Variants in HDAC4 observed in about 807,000 individuals in gnomAD.
HDAC4 encodes histone deacetylase A.
Under a neutral mutation model 135.1 loss-of-function variants are expected in HDAC4, and 16 were observed. The observed-to-expected ratio is 0.12, with a 90% confidence interval of 0.08 to 0.18. The LOEUF (loss-of-function observed/expected upper bound fraction) is 0.18. Among genes scored for constraint, HDAC4 ranks in the 10% least tolerant of loss-of-function variants. The probability of loss-of-function intolerance (pLI) is 1.00; values close to 1 mark genes in which losing one functional copy is unlikely to be tolerated. For missense variants in HDAC4, 1,143 were observed against 1,511.8 expected (o/e 0.76, Z 4.05); for synonymous variants, 685 against 653.4 (o/e 1.05, Z -0.74).
chr2:239,265,784 C>T (rs942027193), intron 2 of HDAC4, among the ~76,000 whole-genome samples: 1 of 152,252 alleles, frequency 6.6e-6, no homozygotes, highest in African/African-American at 2.4e-5. Context: ...TTGGAACTTC[C>T]AAACACCATT....
intron 2 of HDAC4, among the ~76,000 whole-genome samples, chr2:239,348,404 G>A (rs1242808559): frequency 6.6e-6 from 1 of 152,236 alleles, no homozygotes; most frequent in African/African-American, 2.4e-5. Context: ...GGAGGGACGG[G>A]GTAGTGTTAA....
Position 239,262,212 on chromosome 2 carries a change from T to C in HDAC4, c.23-25548A>G, listed in dbSNP as rs1199728662. ...ATCCACGTGGCTTTTTATAAGCTAG[T>C]ATTTCCTCCTGTGGTGTCTCCTTGG... is the stretch of plus-strand genomic sequence containing the variant. On this transcript the variant is annotated intron_variant, in intron 2 of 26. Transcript: ENST00000543185. The surrounding 1 kb of genome is among the most constrained non-coding windows in gnomAD (Gnocchi z 4.1). Among the ~76,000 whole-genome samples the C allele has an allele frequency of 6.6e-6, 1 of 152,204 alleles. No homozygotes were observed. The highest frequency in any genetic ancestry group is 1.5e-5 in the Non-Finnish European group (1 of 68,036).
intron 24 of HDAC4, among the ~76,000 whole-genome samples, chr2:239,055,803 C>T (rs906352290): frequency 6.6e-6 from 1 of 151,728 alleles, no homozygotes; most frequent in South Asian, 2.1e-4. Flanking sequence ...GAAGAGCCCA[C>T]AAAACCAGGG....
intron 22 of HDAC4, among the ~76,000 whole-genome samples, chr2:239,073,470 A>C (rs900180332): frequency 2.0e-5 from 3 of 152,228 alleles, no homozygotes; most frequent in South Asian, 2.1e-4. Flanking sequence ...GGTGCCCAAG[A>C]CAGGACAGAC....
At chr2:239,149,373 A>AAAAT (rs113606701) in intron 7 of HDAC4, among the ~76,000 whole-genome samples, 81,569 of 149,218 alleles carry the variant, frequency 0.55, 22,387 homozygotes, top group South Asian at 0.66. Context: ...GTTCCGTTTC[A>AAAAT]AAATAAATAA....
Position 239,052,128 on chromosome 2 carries a change from T to C in HDAC4, c.*969A>G, listed in dbSNP as rs2030945982. ...AGAACACTTTGGATTCGTTTAAAAT[T>C]TGTTGGACTTCAAAACCTCCAACGG... is the stretch of plus-strand genomic sequence containing the variant. On this transcript the variant is annotated 3_prime_UTR_variant, in exon 27 of 27. Coordinates refer to ENST00000543185, the MANE Select transcript of HDAC4 (RefSeq NM_001378414.1). 1 of 152,570 alleles carries C rather than the reference T, an allele frequency of 6.6e-6. No homozygotes were observed. The highest frequency in any genetic ancestry group is 1.5e-5 in the Non-Finnish European group (1 of 68,048). The allele number at this position is 152,570 out of a possible 1,614,324, so 9.5% of individuals were successfully genotyped here.
rs1468661685 is a variant in HDAC4 at position 239,307,975 on chromosome 2, T to A, written c.22+44703A>T. 6.6e-6 allele frequency among the ~76,000 whole-genome samples: 1 copy of A among 151,098 alleles called. No individual in the cohort carries two copies. Among genetic ancestry groups the A allele is most frequent in the African/African-American group, 2.4e-5 (1 of 40,990 alleles). ...AGCAACAGCCAGCAAAGTGTCCCCA[T>A]CCCCCCCAAAGTGAGCGGCCACACA... On this transcript the variant is annotated intron_variant, in intron 2 of 26. Transcript: ENST00000543185. This position sits in a 1 kb window ranked among gnomAD's most constrained non-coding sequence, Gnocchi z 4.8.
At chr2:239,388,394 T>C (rs1695970108) in intron 1 of HDAC4, among the ~76,000 whole-genome samples, 1 of 152,188 alleles carries the variant, frequency 6.6e-6, no homozygotes, top group African/African-American at 2.4e-5. Flanking sequence ...ATGCGGTCAG[T>C]GCGGCTTCCA....
chr2:239,149,337 T>C (rs1050122113), intron 7 of HDAC4, among the ~76,000 whole-genome samples: 1 of 151,518 alleles, frequency 6.6e-6, no homozygotes, highest in African/African-American at 2.4e-5. Context: ...GAGGCGGAGG[T>C]TGTCTCACTT....
At chr2:239,106,920 C>T (rs552583047) in intron 15 of HDAC4, among the ~76,000 whole-genome samples, 12 of 152,286 alleles carry the variant, frequency 7.9e-5, no homozygotes, top group South Asian at 4.1e-4. Context: ...CCACCCTGTG[C>T]GCTATCTGTA....
chr2:239,053,562 G>A lies in HDAC4; in HGVS notation c.3128C>T (p.Ala1043Val), dbSNP rs752178388. The change falls in exon 26 of 27, where the codon GCG becomes GTG. Residue 1043 changes from alanine (A) to valine (V), a missense_variant. Physicochemically the swap from Ala to Val is moderately conservative, Grantham distance 64. Transcript: ENST00000543185. ...WRCLQRTTST[A>V]GRSLIEAQTC... is the part of the protein sequence containing the mutation. Reference sequence around the variant, plus strand: ...CTGAGCCTCGATCAGAGAACGCCCCGCTGTGGAGGTTGTGCGCTGCAGGCA... The same window carrying A: ...CTGAGCCTCGATCAGAGAACGCCCCACTGTGGAGGTTGTGCGCTGCAGGCA... 32 of 1,613,766 alleles carry A rather than the reference G, an allele frequency of 2.0e-5. No individual in the cohort carries two copies. The highest frequency in any genetic ancestry group is 2.7e-5 in the Non-Finnish European group (32 of 1,179,956).
chr2:239,246,211 G>A (rs1312905606), intron 2 of HDAC4, among the ~76,000 whole-genome samples: 2 of 152,220 alleles, frequency 1.3e-5, no homozygotes, highest in African/African-American at 4.8e-5. Flanking sequence ...CCGGTGGGGA[G>A]GCAAACGCGG....
Position 239,307,423 on chromosome 2 carries a change from T to C in HDAC4, c.22+45255A>G, listed in dbSNP as rs1036198585. 2.6e-5 allele frequency among the ~76,000 whole-genome samples: 4 copies of C among 151,906 alleles called. No homozygotes were observed. Among genetic ancestry groups the C allele is most frequent in the Non-Finnish European group, 5.9e-5 (4 of 67,944 alleles). On this transcript the variant is annotated intron_variant, in intron 2 of 26. Transcript: ENST00000543185. This position sits in a 1 kb window ranked among gnomAD's most constrained non-coding sequence, Gnocchi z 4.8. ...AGGAGAGAGGGGCTTGAAGGATGGG[T>C]ACCCCAAGCTGTCAAAAGACCAAGT...
At chr2:239,105,942 C>T (rs754413549) in intron 15 of HDAC4, among the ~76,000 whole-genome samples, 3 of 152,220 alleles carry the variant, frequency 2.0e-5, no homozygotes, top group Non-Finnish European at 4.4e-5. Flanking sequence ...GGGGCACCCG[C>T]ACTGGAGAGC....
chr2:239,390,562 T>C (rs1471357830), intron 1 of HDAC4, among the ~76,000 whole-genome samples: 2 of 151,910 alleles, frequency 1.3e-5, no homozygotes, highest in South Asian at 4.1e-4. Flanking sequence ...TCAAAAGATA[T>C]ATATATATAT....
intron 2 of HDAC4, among the ~76,000 whole-genome samples, chr2:239,320,203 T>C (rs1325065153): frequency 6.6e-6 from 1 of 151,776 alleles, no homozygotes; most frequent in East Asian, 1.9e-4. Context: ...GCCAACATGG[T>C]GAAACCCCGT....
At chr2:239,392,944 C>T (rs191936636) in intron 1 of HDAC4, among the ~76,000 whole-genome samples, 37 of 152,276 alleles carry the variant, frequency 2.4e-4, no homozygotes, top group African/African-American at 7.9e-4. Flanking sequence ...GGTCCCCCAG[C>T]GGGTCCCCTC....
At chr2:239,086,003 G>A (rs1206187726) in intron 19 of HDAC4, 1 of 47,822 alleles carries the variant, frequency 2.1e-5, no homozygotes, top group African/African-American at 9.6e-5. Context: ...TCTAACACGC[G>A]GATCTGACTA....
At chr2:239,340,541 G>A (rs56327958) in intron 2 of HDAC4, among the ~76,000 whole-genome samples, 15,132 of 152,220 alleles carry the variant, frequency 0.099, 1,349 homozygotes, top group East Asian at 0.42. Flanking sequence ...CTGCTGCTTA[G>A]AGATGCCTCT....
Sources: allele counts gnomAD v4.1 joint callset (sites outside exome capture counted in the v4.1 genomes callset), GRCh38; gene constraint gnomAD v4.1.1; non-coding constraint Gnocchi (gnomAD v3.1); transcripts MANE v1.5; gene names NCBI Gene and HGNC (gene_info 2026-07-23, HGNC 2026-07-21).